Variants in XIRP2 observed in about 807,000 individuals in gnomAD.
The protein encoded by XIRP2 is xin actin binding repeat containing 2.
In XIRP2, 236 loss-of-function variants were observed where a neutral mutation model predicts 277.0. That is an observed-to-expected ratio of 0.85 (90% CI 0.77 to 0.95). The LOEUF (loss-of-function observed/expected upper bound fraction) is 0.95. XIRP2 is among the 40% of genes least tolerant of loss of function. XIRP2 has a pLI of 0.00. For missense variants in XIRP2, 4,640 were observed against 4,157.5 expected (o/e 1.12, Z -3.19); for synonymous variants, 1,490 against 1,416.5 (o/e 1.05, Z -1.17).
intron 3 of XIRP2, among the ~76,000 whole-genome samples, chr2:167,176,823 G>A (rs183747825): frequency 3.9e-4 from 59 of 152,296 alleles, no homozygotes; most frequent in Non-Finnish European, 1.5e-5. Flanking sequence ...CCTGGTAGTT[G>A]AGTTTCTGAA....
At chr2:167,122,516 A>C (rs560244546) in intron 2 of XIRP2, among the ~76,000 whole-genome samples, 1 of 152,278 alleles carries the variant, frequency 6.6e-6, no homozygotes, top group South Asian at 2.1e-4. Context: ...CAGCACCAGA[A>C]TGAAAAATGT....
At chr2:167,061,668 A>G (rs578047426) in intron 2 of XIRP2, among the ~76,000 whole-genome samples, 93 of 152,280 alleles carry the variant, frequency 6.1e-4, no homozygotes, top group African/African-American at 2.2e-3. Context: ...AATTACTGGT[A>G]TCTTTATAAG....
intron 2 of XIRP2, among the ~76,000 whole-genome samples, chr2:167,130,822 C>T (rs1691351783): frequency 1.3e-5 from 2 of 152,066 alleles, no homozygotes; most frequent in Admixed American, 1.3e-4. Flanking sequence ...AAAACCGCTC[C>T]CTGGCTGAAG....
intron 3 of XIRP2, among the ~76,000 whole-genome samples, chr2:167,208,037 T>G (rs1277718809): frequency 6.6e-6 from 1 of 152,216 alleles, no homozygotes; most frequent in African/African-American, 2.4e-5. Flanking sequence ...CAATGAATTC[T>G]AAGCCCAGCT....
rs182773331 is a variant in XIRP2 at position 166,986,838 on chromosome 2, C to G, written c.408+82948C>G. On this transcript the variant is annotated intron_variant, in intron 2 of 10. Transcript: ENST00000409195. ...GGATGCACAGCATAAATATGTTGTC[C>G]TAAGATTCTGACCTTCTTTGTTTGC... Among the ~76,000 whole-genome samples the G allele has an allele frequency of 2.9e-3, 435 of 152,276 alleles. 3 individuals are homozygous for G. The highest frequency in any genetic ancestry group is 5.2e-3 in the Non-Finnish European group (357 of 68,012).
chr2:167,143,233 T>C (rs1691772237), intron 3 of XIRP2, among the ~76,000 whole-genome samples: 1 of 152,298 alleles, frequency 6.6e-6, no homozygotes, highest in Non-Finnish European at 1.5e-5. Context: ...GAGTAGCTTA[T>C]AGTTTAAGAA....
chr2:166,915,298 TC>T lies in XIRP2; in HGVS notation c.408+11409del, dbSNP rs1240531320. On this transcript the variant is annotated intron_variant, in intron 2 of 10. Coordinates refer to ENST00000409195, the MANE Select transcript of XIRP2 (RefSeq NM_152381.6). ...CTGGGCGACACAGCAAGACTCCGTC[TC>T]AAAAAAAAAAAAAAAAAAAAAAAGA... Among the ~76,000 whole-genome samples, 18 of 47,638 alleles carry T rather than the reference TC, an allele frequency of 3.8e-4. No individual in the cohort carries two copies. In the East Asian group the frequency reaches 8.6e-3, roughly 23 times the overall value. 31.3% of individuals were successfully genotyped at this position (47,638 alleles called of 152,430 possible).
At chr2:167,205,652 GTA>G (rs1693834324) in intron 3 of XIRP2, among the ~76,000 whole-genome samples, 1 of 152,098 alleles carries the variant, frequency 6.6e-6, no homozygotes, top group Non-Finnish European at 1.5e-5. Context: ...AAGTAGCATA[GTA>G]ATGATGACTT....
intron 2 of XIRP2, among the ~76,000 whole-genome samples, chr2:166,988,048 T>C (rs888098276): frequency 2.0e-5 from 3 of 152,204 alleles, no homozygotes; most frequent in Admixed American, 6.5e-5. Flanking sequence ...GTATTTAACA[T>C]AGATGACAAA....
intron 5 of XIRP2, among the ~76,000 whole-genome samples, chr2:167,221,460 C>CAAAAAAAAAAAAAAAAAAAAAAAAAAAA (rs57006710): frequency 3.2e-5 from 2 of 63,456 alleles, no homozygotes; most frequent in African/African-American, 4.6e-5. Context: ...AACTCCATCT[C>CAAAAAAAAAAAAAAAAAAAAAAAAAAAA]AAAAAAAAAA....
chr2:167,053,376 T>C (rs73014163), intron 2 of XIRP2, among the ~76,000 whole-genome samples: 8,071 of 152,254 alleles, frequency 0.053, 699 homozygotes, highest in African/African-American at 0.18. Flanking sequence ...GATAATGTTC[T>C]CTTGTCTTTC....
intron 2 of XIRP2, among the ~76,000 whole-genome samples, chr2:166,988,168 C>G (rs549513903): frequency 6.6e-6 from 1 of 152,192 alleles, no homozygotes; most frequent in Admixed American, 6.5e-5. Flanking sequence ...ATCAAGCACC[C>G]CCTACTCTAA....
intron 2 of XIRP2, among the ~76,000 whole-genome samples, chr2:167,103,284 C>T (rs1266430928): frequency 6.6e-6 from 1 of 152,142 alleles, no homozygotes; most frequent in East Asian, 1.9e-4. Flanking sequence ...CAAATTGTTT[C>T]CTCTATTTTG....
At chr2:167,175,605 G>A (rs1056249346) in intron 3 of XIRP2, among the ~76,000 whole-genome samples, 1 of 152,140 alleles carries the variant, frequency 6.6e-6, no homozygotes, top group Non-Finnish European at 1.5e-5. Context: ...CAGGCAGGAG[G>A]CAGGCGGTTC....
At chr2:166,970,802 A>G (rs1402288885) in intron 2 of XIRP2, among the ~76,000 whole-genome samples, 1 of 151,982 alleles carries the variant, frequency 6.6e-6, no homozygotes, top group Non-Finnish European at 1.5e-5. Context: ...ATCTTGTAAA[A>G]CCAATTCTGA....
At chr2:166,952,878 T>C (rs1467789564) in intron 2 of XIRP2, among the ~76,000 whole-genome samples, 1 of 151,912 alleles carries the variant, frequency 6.6e-6, no homozygotes, top group Admixed American at 6.6e-5. Context: ...GGAAAACAAA[T>C]GATGAAGAAA....
chr2:167,242,641 AC>A lies in XIRP2; in HGVS notation c.1251del (p.Ser418AlafsTer31). Reference protein sequence around the residue: ...VSTSSTSCVSTSQRKETSTTR... With the variant: ...VSTSSTSCVSXSQRKETSTTR... ...TACCTCTTCCACTTCTTGCGTTTCA[AC>A]CAGCCAGAGGAAGGAAACATCAACT... On this transcript the variant is annotated frameshift_variant, in exon 9 of 11. Transcript: ENST00000409195. LOFTEE classifies it high-confidence loss of function. 6.2e-7 allele frequency: 1 copy of A among 1,614,044 alleles called. No individual in the cohort carries two copies.
intron 2 of XIRP2, among the ~76,000 whole-genome samples, chr2:166,975,921 A>C (rs1316944781): frequency 1.7e-5 from 2 of 118,336 alleles, no homozygotes; most frequent in Admixed American, 1.0e-4. Context: ...ACAGAGCGAG[A>C]CTCCGTCTCA....
At chr2:166,915,064 G>C (rs576144867) in intron 2 of XIRP2, among the ~76,000 whole-genome samples, 3 of 151,824 alleles carry the variant, frequency 2.0e-5, no homozygotes, top group African/African-American at 7.3e-5. Context: ...TTGGGAGGCC[G>C]AGGCAGGTGG....
Sources: allele counts gnomAD v4.1 joint callset (sites outside exome capture counted in the v4.1 genomes callset), GRCh38; gene constraint gnomAD v4.1.1; transcripts MANE v1.5; gene names NCBI Gene and HGNC (gene_info 2026-07-23, HGNC 2026-07-21).